The following CLIP2 variants were observed in gnomAD, a reference collection of about 807,000 sequenced individuals.
CLIP2 encodes CAP-Gly domain-containing linker protein 2.
A neutral mutation model predicts 111.7 loss-of-function variants in CLIP2; 41 were observed. That is an observed-to-expected ratio of 0.37 (90% confidence interval 0.29 to 0.48). The LOEUF is 0.48. Among genes scored for constraint, CLIP2 ranks in the 20% least tolerant of loss-of-function variants. CLIP2 has a pLI of 0.99. For synonymous variants in CLIP2, 660 were observed against 644.2 expected (o/e 1.02, Z -0.37); for missense variants, 1,160 against 1,422.1 (o/e 0.82, Z 2.96).
At position 74,353,978 on chromosome 7, in the gene CLIP2, G is replaced by A; in HGVS notation, c.777G>A (p.Lys259=). Residue 259 remains lysine (K), a synonymous_variant, in exon 4 of 17, where the codon AAG becomes AAA. Coordinates refer to ENST00000223398, the MANE Select transcript of CLIP2 (RefSeq NM_003388.5). ...TGGAGCTGGACGAGCCCCTTGGGAAGAATGATGGGGCGGTGGCGGGCACCA... is the reference window on the plus strand; with the variant it reads ...TGGAGCTGGACGAGCCCCTTGGGAAAAATGATGGGGCGGTGGCGGGCACCA... The part of the protein sequence containing the change: ...CGVELDEPLG[K]NDGAVAGTRY... The A allele has an allele frequency of 6.2e-7, 1 of 1,613,738 alleles. No homozygotes were observed. The highest frequency in any genetic ancestry group is 8.5e-7 in the Non-Finnish European group (1 of 1,179,688).
chr7:74,322,611 A>G (rs1340512297), intron 2 of CLIP2, among the ~76,000 whole-genome samples: 1 of 151,792 alleles, frequency 6.6e-6, no homozygotes, highest in African/African-American at 2.4e-5. Flanking sequence ...ATCTCATTAT[A>G]TTGACCAGGA....
In CLIP2 at chr7:74,317,648, G is replaced by A. The variant is rs781983219; in HGVS notation, c.102G>A (p.Val34=). Residue 34 remains valine (V), a synonymous_variant, in exon 2 of 17, where the codon GTG becomes GTA. Transcript: ENST00000223398. ...STGSASSSAA[V]AASSKEGSPL... ...GGTCAGCTTCATCCTCGGCGGCGGT[G>A]GCCGCTAGCTCCAAGGAAGGTACGT... 1.3e-6 allele frequency: 2 copies of A among 1,507,682 alleles called. No individual in the cohort carries two copies. The highest frequency in any genetic ancestry group is 2.6e-5 in the South Asian group (2 of 76,096). 93.4% of individuals were successfully genotyped at this position (1,507,682 alleles called of 1,614,324 possible).
chr7:74,349,478 A>G (rs868932029), intron 3 of CLIP2, among the ~76,000 whole-genome samples: 42 of 108,218 alleles, frequency 3.9e-4, no homozygotes, highest in African/African-American at 1.3e-3. Flanking sequence ...GTGTATATAT[A>G]TATATATATA....
chr7:74,361,176 T>TTTCCTTCCTTCTTCCTTCCTTCC (rs1790319053), intron 7 of CLIP2, among the ~76,000 whole-genome samples: 1 of 62,016 alleles, frequency 1.6e-5, no homozygotes, highest in Non-Finnish European at 3.3e-5. Flanking sequence ...CCCTCCCTTC[T>TTTCCTTCCTTCTTCCTTCCTTCC]TTCCTTCCTT....
At chr7:74,354,036 G>C (rs1243821090) in intron 4 of CLIP2, 32 bp downstream of exon 4, 14 of 1,589,976 alleles carry the variant, frequency 8.8e-6, no homozygotes, top group African/African-American at 5.4e-5. Flanking sequence ...GAGTATGGGA[G>C]GGGGCTCCTC....
At chr7:74,350,997 A>G (rs375147422) in intron 3 of CLIP2, among the ~76,000 whole-genome samples, 12 of 75,986 alleles carry the variant, frequency 1.6e-4, no homozygotes, top group Non-Finnish European at 2.7e-4. Flanking sequence ...GGAAGAGAAG[A>G]AGGAGAGAAA....
intron 2 of CLIP2, among the ~76,000 whole-genome samples, chr7:74,327,538 A>T (rs945806960): frequency 6.6e-6 from 1 of 152,058 alleles, no homozygotes; most frequent in Admixed American, 6.6e-5. Flanking sequence ...TCCTTTCCAT[A>T]CATTTCTAGG....
At chr7:74,382,666 G>T (rs1283117375) in intron 11 of CLIP2, among the ~76,000 whole-genome samples, 4 of 151,466 alleles carry the variant, frequency 2.6e-5, no homozygotes, top group African/African-American at 9.7e-5. Flanking sequence ...TTGGGTTATT[G>T]ATCTTTTTGC....
chr7:74,387,074 A>ACATGTACC (rs1791131306), intron 12 of CLIP2, among the ~76,000 whole-genome samples: 3 of 151,090 alleles, frequency 2.0e-5, no homozygotes, highest in Admixed American at 2.0e-4. Context: ...CACCAGACAG[A>ACATGTACC]CATGTACCTG....
Position 74,372,953 on chromosome 7 carries a change from G to C in CLIP2, c.1402G>C (p.Ala468Pro). 7.2e-7 allele frequency: 1 copy of C among 1,386,042 alleles called. No homozygotes were observed. Among genetic ancestry groups the C allele is most frequent in the Non-Finnish European group, 9.5e-7 (1 of 1,048,990 alleles). The allele number at this position is 1,386,042 out of a possible 1,614,324, so 85.9% of individuals were successfully genotyped here. ...CCAGACCCAGACGCAGCTGGAGCAC[G>C]CGCGCATTGGGGAGCTGGAACAGAG... ...DLETQTQLEH[A>P]RIGELEQSLL... Residue 468 changes from alanine (A) to proline (P), a missense_variant, in exon 9 of 17, where the codon GCG (alanine) becomes CCG (proline). By Grantham distance (27) the Ala-to-Pro change is conservative. Coordinates refer to ENST00000223398, the MANE Select transcript of CLIP2 (RefSeq NM_003388.5).
At chr7:74,401,366 G>C (rs558636281) in intron 15 of CLIP2, 139 bp from the exon 16 acceptor site, 133 of 746,224 alleles carry the variant, frequency 1.8e-4, no homozygotes, top group Non-Finnish European at 2.7e-4. Context: ...TTGGTCTTTG[G>C]GGGTGCTGGG....
chr7:74,326,881 C>T (rs1274204556), intron 2 of CLIP2, among the ~76,000 whole-genome samples: 12 of 151,858 alleles, frequency 7.9e-5, no homozygotes, highest in Non-Finnish European at 1.3e-4. Context: ...CGTGATCCGC[C>T]TGCCTCGGCC....
At chr7:74,363,405 C>A (rs1316641341) in intron 7 of CLIP2, among the ~76,000 whole-genome samples, 2 of 152,180 alleles carry the variant, frequency 1.3e-5, no homozygotes, top group African/African-American at 4.8e-5. Flanking sequence ...CTGAGGGTAG[C>A]CCTGATGCCT....
chr7:74,315,889 A>T (rs229873), intron 1 of CLIP2, among the ~76,000 whole-genome samples: 69,923 of 146,336 alleles, frequency 0.48, 17,367 homozygotes, highest in Middle Eastern at 0.61. Context: ...TTTTTTTTTT[A>T]AATTTTAAAT....
intron 12 of CLIP2, 110 bp downstream of exon 12, chr7:74,386,714 C>A: frequency 1.3e-6 from 1 of 764,332 alleles, no homozygotes. Flanking sequence ...GTCCCCTCCC[C>A]GACTCTGCTT....
chr7:74,331,150 G>C (rs1268397284), intron 2 of CLIP2, among the ~76,000 whole-genome samples: 2 of 142,514 alleles, frequency 1.4e-5, no homozygotes, highest in Admixed American at 1.5e-4. Flanking sequence ...AGGTTGCAGT[G>C]AGCCGAGATC....
At chr7:74,366,564 C>T (rs533985411) in intron 8 of CLIP2, among the ~76,000 whole-genome samples, 33 of 152,330 alleles carry the variant, frequency 2.2e-4, no homozygotes, top group Non-Finnish European at 3.8e-4. Flanking sequence ...CATATGCTTT[C>T]GCAGTTCTGG....
At chr7:74,374,350 A>G (rs553094008) in intron 9 of CLIP2, among the ~76,000 whole-genome samples, 1 of 152,236 alleles carries the variant, frequency 6.6e-6, no homozygotes, top group South Asian at 2.1e-4. Context: ...GCACAAACTG[A>G]CCCAGTCACG....
chr7:74,354,046 C>G, intron 4 of CLIP2, 42 bp downstream of exon 4: 1 of 1,581,274 alleles, frequency 6.3e-7, no homozygotes, highest in Non-Finnish European at 8.6e-7. Context: ...GGGGGCTCCT[C>G]TCCCCAGGGT....
Sources: allele counts gnomAD v4.1 joint callset (sites outside exome capture counted in the v4.1 genomes callset), GRCh38; gene constraint gnomAD v4.1.1; transcripts MANE v1.5; gene names NCBI Gene and HGNC (gene_info 2026-07-23, HGNC 2026-07-21).